The following MGAT4C variants were observed in gnomAD, a reference collection of about 807,000 sequenced individuals.
The protein encoded by MGAT4C is alpha-1,3-mannosyl-glycoprotein 4-beta-N-acetylglucosaminyltransferase C.
A neutral mutation model predicts 40.1 loss-of-function variants in MGAT4C; 19 were observed. That is an observed-to-expected ratio of 0.47 (90% CI 0.33 to 0.70). The LOEUF (loss-of-function observed/expected upper bound fraction) is 0.70. Ranked by LOEUF, MGAT4C falls within the 30% of genes least tolerant of loss-of-function variation. The pLI, the probability that MGAT4C is intolerant of heterozygous loss-of-function variation, is 0.02. For synonymous variants in MGAT4C, 181 were observed against 187.1 expected (o/e 0.97, Z 0.27); for missense variants, 491 against 563.2 (o/e 0.87, Z 1.30).
chr12:85,996,180 A>T (rs1174032819), intron 2 of MGAT4C, among the ~76,000 whole-genome samples: 2 of 152,330 alleles, frequency 1.3e-5, no homozygotes, highest in East Asian at 3.9e-4. Context: ...CATAACTGAG[A>T]TGATAGAATT....
At chr12:86,406,113 A>C (rs1307191740) in intron 3 of MGAT4C, among the ~76,000 whole-genome samples, 1 of 148,436 alleles carries the variant, frequency 6.7e-6, no homozygotes, top group African/African-American at 2.5e-5. Context: ...CTAGTAAACA[A>C]AAATTAACCC....
rs73387131 is a variant in MGAT4C, at chr12:86,142,069, C to T, written c.-56-92346G>A. On this transcript the variant is annotated intron_variant, in intron 1 of 4. Coordinates refer to ENST00000611864, the MANE Select transcript of MGAT4C (RefSeq NM_001351288.2). The stretch of plus-strand genomic sequence containing the variant: ...GAAGCCTCATCAACTTTATTACTGA[C>T]TCCCCTGGCTTTAGTCAGTCCTACT... Among the ~76,000 whole-genome samples, 519 of 152,270 alleles carry T rather than the reference C, an allele frequency of 3.4e-3. 2 individuals carry two copies. Among genetic ancestry groups the T allele is most frequent in the African/African-American group, 0.012 (507 of 41,558 alleles).
intron 2 of MGAT4C, among the ~76,000 whole-genome samples, chr12:86,461,114 A>AT (rs754520476): frequency 1.2e-4 from 19 of 152,254 alleles, no homozygotes; most frequent in Admixed American, 7.2e-4. Flanking sequence ...TATCATGGGA[A>AT]TAGGTATAGA....
chr12:86,404,498 G>A (rs1464358568), intron 3 of MGAT4C, among the ~76,000 whole-genome samples: 1 of 152,140 alleles, frequency 6.6e-6, no homozygotes, highest in African/African-American at 2.4e-5. Context: ...GAGGGAGGGA[G>A]AGGGAGACTT....
At chr12:86,452,236 T>C (rs1423641645) in intron 2 of MGAT4C, among the ~76,000 whole-genome samples, 3 of 151,898 alleles carry the variant, frequency 2.0e-5, no homozygotes, top group African/African-American at 7.3e-5. Flanking sequence ...CTTTGAGTTC[T>C]AGGGTACATG....
chr12:86,271,896 G>A (rs912337754), intron 4 of MGAT4C, among the ~76,000 whole-genome samples: 2 of 152,130 alleles, frequency 1.3e-5, no homozygotes, highest in Admixed American at 6.5e-5. Context: ...AAATGAATCC[G>A]GCACAAATTG....
At chr12:86,644,759 A>T (rs1814287705) in intron 2 of MGAT4C, among the ~76,000 whole-genome samples, 1 of 151,728 alleles carries the variant, frequency 6.6e-6, no homozygotes, top group Non-Finnish European at 1.5e-5. Context: ...ATAAAATTTA[A>T]TTTTATCTAT....
intron 1 of MGAT4C, among the ~76,000 whole-genome samples, chr12:86,768,785 T>TA (rs1180437572): frequency 6.6e-6 from 1 of 152,074 alleles, no homozygotes; most frequent in Admixed American, 6.5e-5. Flanking sequence ...CCCTATTTAA[T>TA]CAATGGTGCT....
At chr12:86,501,468 T>C (rs1337415512) in intron 2 of MGAT4C, among the ~76,000 whole-genome samples, 2 of 151,988 alleles carry the variant, frequency 1.3e-5, no homozygotes, top group Non-Finnish European at 2.9e-5. Context: ...GCATTACCTC[T>C]TTTTCCTAAT....
chr12:86,185,053 TGCTCA>T (rs1593174778), intron 1 of MGAT4C, among the ~76,000 whole-genome samples: 2 of 152,308 alleles, frequency 1.3e-5, no homozygotes, highest in East Asian at 3.9e-4. Context: ...CAGCTTCCCC[TGCTCA>T]GCTCATTGGA....
intron 2 of MGAT4C, among the ~76,000 whole-genome samples, chr12:86,560,664 A>ATT (rs1959820056): frequency 6.6e-6 from 1 of 152,184 alleles, no homozygotes; most frequent in Non-Finnish European, 1.5e-5. Flanking sequence ...CATGTATGAC[A>ATT]AGCCCACAGC....
intron 2 of MGAT4C, among the ~76,000 whole-genome samples, chr12:86,585,825 A>G (rs1961004116): frequency 6.6e-6 from 1 of 150,750 alleles, no homozygotes; most frequent in African/African-American, 2.4e-5. Context: ...AGCTTGAGGA[A>G]GAGCTGATCA....
chr12:86,727,804 A>G (rs1237925311), intron 1 of MGAT4C, among the ~76,000 whole-genome samples: 1 of 152,022 alleles, frequency 6.6e-6, no homozygotes, highest in African/African-American at 2.4e-5. Flanking sequence ...ATGTATTTCT[A>G]TAATATTATA....
chr12:86,446,100 T>A (rs546812163), intron 2 of MGAT4C, among the ~76,000 whole-genome samples: 1 of 152,270 alleles, frequency 6.6e-6, no homozygotes, highest in East Asian at 1.9e-4. Context: ...CACATATAGC[T>A]ACACATAAAG....
chr12:86,487,308 C>A (rs1313941651), intron 2 of MGAT4C, among the ~76,000 whole-genome samples: 1 of 152,146 alleles, frequency 6.6e-6, no homozygotes, highest in Non-Finnish European at 1.5e-5. Flanking sequence ...CACTTTGATA[C>A]ATGTATTCTT....
chr12:86,752,668 C>T (rs1951244541), intron 1 of MGAT4C, among the ~76,000 whole-genome samples: 1 of 151,954 alleles, frequency 6.6e-6, no homozygotes, highest in Non-Finnish European at 1.5e-5. Context: ...TCCTTAATTT[C>T]TTTCAGCATT....
Position 85,979,455 on chromosome 12 carries a change from C to T in MGAT4C, c.1271G>A (p.Arg424Lys). The T allele has an allele frequency of 1.2e-6, 2 of 1,613,454 alleles. No homozygotes were observed. Among genetic ancestry groups the T allele is most frequent in the Non-Finnish European group, 1.7e-6 (2 of 1,179,602 alleles). ...GENVMPSKQR[R>K]QCSTYLRLGE... ...TAGTCTTAAGTAAGTAGAACATTGT[C>T]TCCTTTGTTTGCTAGGCATAACGTT... The change falls in exon 5 of 5, where the codon AGA (arginine) becomes AAA (lysine). Residue 424 changes from arginine (R) to lysine (K), a missense_variant. By Grantham distance (26) the Arg-to-Lys change is conservative (BLOSUM62 2). Transcript: ENST00000611864.
rs891491864 is a variant in MGAT4C, at chr12:86,472,005, G to A, written c.-228-36740C>T. Among the ~76,000 whole-genome samples, 8 of 152,114 alleles carry A rather than the reference G, an allele frequency of 5.3e-5. No individual in the cohort carries two copies. In the East Asian group the frequency reaches 1.5e-3, roughly 29 times the overall value. On this transcript the variant is annotated intron_variant, in intron 2 of 7. Coordinates refer to the MGAT4C transcript ENST00000548651. Reference sequence around the variant, plus strand: ...TTTCTTTTAAGTGCCAATAGTTTTTGTATTTTAACTGCATATGGCAAAGTA... The same window carrying A: ...TTTCTTTTAAGTGCCAATAGTTTTTATATTTTAACTGCATATGGCAAAGTA...
chr12:85,997,891 T>C (rs150349538), intron 2 of MGAT4C, among the ~76,000 whole-genome samples: 249 of 152,304 alleles, frequency 1.6e-3, no homozygotes, highest in African/African-American at 5.2e-3. Context: ...GGTGGTCCTC[T>C]TCTCACAGCA....
Sources: allele counts gnomAD v4.1 joint callset (sites outside exome capture counted in the v4.1 genomes callset), GRCh38; gene constraint gnomAD v4.1.1; transcripts MANE v1.5; gene names NCBI Gene and HGNC (gene_info 2026-07-23, HGNC 2026-07-21).